ITPRID1: variants seen among roughly 807,000 people sequenced by gnomAD.
ITPRID1 encodes ITPR interacting domain containing 1.
A neutral mutation model predicts 95.4 loss-of-function variants in ITPRID1; 96 were observed. The observed-to-expected ratio is 1.01, with a 90% confidence interval of 0.85 to 1.19. ITPRID1 has a LOEUF of 1.19. Ranked by LOEUF, ITPRID1 falls within the 50% of genes most tolerant of loss-of-function variation. The pLI, the probability that ITPRID1 is intolerant of heterozygous loss-of-function variation, is 0.00. For missense variants in ITPRID1, 1,339 were observed against 1,252.9 expected (o/e 1.07, Z -1.04); for synonymous variants, 510 against 453.6 (o/e 1.12, Z -1.58).
At chr7:31,553,934 G>C (rs1023271611) in intron 3 of ITPRID1, among the ~76,000 whole-genome samples, 87 of 152,296 alleles carry the variant, frequency 5.7e-4, no homozygotes, top group African/African-American at 2.0e-3. Context: ...CACCTTAAAA[G>C]ACTGGTGCCT....
intron 1 of ITPRID1, among the ~76,000 whole-genome samples, chr7:31,524,862 A>G (rs549801306): frequency 6.6e-6 from 1 of 152,184 alleles, no homozygotes; most frequent in Non-Finnish European, 1.5e-5. Context: ...TCTTATTTTT[A>G]TATCAATGGT....
intron 1 of ITPRID1, among the ~76,000 whole-genome samples, chr7:31,538,080 C>T (rs951851283): frequency 6.6e-6 from 1 of 152,198 alleles, no homozygotes; most frequent in Non-Finnish European, 1.5e-5. Flanking sequence ...ACAGCGAAGA[C>T]TGGACTGATC....
intron 10 of ITPRID1, among the ~76,000 whole-genome samples, chr7:31,637,660 C>T (rs768092197): frequency 1.1e-4 from 17 of 152,192 alleles, no homozygotes; most frequent in South Asian, 8.3e-4. Flanking sequence ...GAGTAGATTG[C>T]GAAAATTTTC....
At chr7:31,657,867 A>G (rs531228993), downstream of ITPRID1, among the ~76,000 whole-genome samples, 4 of 152,338 alleles carry the variant, frequency 2.6e-5, no homozygotes, top group Middle Eastern at 3.4e-3. Context: ...GAAAAAAAAG[A>G]AAAAGTAAAA....
chr7:31,529,767 T>C (rs1222937245), intron 1 of ITPRID1: 1 of 1,535,268 alleles, frequency 6.5e-7, no homozygotes, highest in Non-Finnish European at 8.7e-7. Flanking sequence ...ACACATACTT[T>C]GATGCCAACT....
At chr7:31,565,213 C>T (rs534041843) in intron 5 of ITPRID1, among the ~76,000 whole-genome samples, 75 of 152,198 alleles carry the variant, frequency 4.9e-4, no homozygotes, top group African/African-American at 1.6e-3. Flanking sequence ...CTTGGTCTCC[C>T]GGGACCCTGG....
At chr7:31,520,785 T>C (rs1436149196) in intron 1 of ITPRID1, among the ~76,000 whole-genome samples, 1 of 152,090 alleles carries the variant, frequency 6.6e-6, no homozygotes, top group African/African-American at 2.4e-5. Flanking sequence ...TCCATGTATA[T>C]ACATATACCC....
At chr7:31,584,892 C>T (rs1340290501) in intron 10 of ITPRID1, among the ~76,000 whole-genome samples, 1 of 152,180 alleles carries the variant, frequency 6.6e-6, no homozygotes, top group Non-Finnish European at 1.5e-5. Flanking sequence ...AATATTATAG[C>T]AGCAGTGATG....
Position 31,558,567 on chromosome 7 carries a change from T to G in ITPRID1, c.256+3666T>G, listed in dbSNP as rs149199148. On this transcript the variant is annotated intron_variant, in intron 5 of 14. Coordinates refer to ENST00000615280, the MANE Select transcript of ITPRID1 (RefSeq NM_001257967.3). ...AGGGTATAAACTTGCAGTTATAAGA[T>G]GACTAGGTTCTAGAGACCTTAAGTA... 4.2e-3 allele frequency among the ~76,000 whole-genome samples: 637 copies of G among 152,324 alleles called. 3 individuals carry two copies. Among genetic ancestry groups the G allele is most frequent in the Non-Finnish European group, 6.4e-3 (438 of 68,016 alleles).
At chr7:31,634,917 G>A (rs1431409726) in intron 10 of ITPRID1, among the ~76,000 whole-genome samples, 6 of 152,158 alleles carry the variant, frequency 3.9e-5, no homozygotes, top group Non-Finnish European at 8.8e-5. Context: ...TGAGGGCAAT[G>A]AGACGTCTCA....
rs1351044344 is a variant in ITPRID1 at position 31,594,256 on chromosome 7, A to C, written c.1228+11065A>C. Among the ~76,000 whole-genome samples, 6 of 152,106 alleles carry C rather than the reference A, an allele frequency of 3.9e-5. No individual in the cohort carries two copies. The East Asian group carries it at 9.7e-4, about 24-fold the overall frequency. ...ATACTTTCTGAGTTTGTGTAAGTCC[A>C]CTCTATGATATTCAAACAATGAGAA... On this transcript the variant is annotated intron_variant, in intron 10 of 14. Transcript: ENST00000615280.
At chr7:31,522,499 T>A (rs1304297829) in intron 1 of ITPRID1, among the ~76,000 whole-genome samples, 1 of 152,236 alleles carries the variant, frequency 6.6e-6, no homozygotes, top group Admixed American at 6.5e-5. Context: ...TAAGCCACAC[T>A]TTTGTTTCAA....
chr7:31,629,490 G>A (rs1788802025), intron 10 of ITPRID1, among the ~76,000 whole-genome samples: 1 of 152,166 alleles, frequency 6.6e-6, no homozygotes, highest in Non-Finnish European at 1.5e-5. Flanking sequence ...TCATTAGGTT[G>A]TGCCCTCTGA....
intron 1 of ITPRID1, among the ~76,000 whole-genome samples, chr7:31,541,377 A>G (rs1249122574): frequency 1.3e-5 from 2 of 152,210 alleles, no homozygotes; most frequent in African/African-American, 2.4e-5. Flanking sequence ...CCTGCATTCA[A>G]GAGCACCTAT....
rs1583761938 is a variant in ITPRID1 at position 31,652,673 on chromosome 7, T to A, written c.2979T>A (p.Ala993=). ...TVFPPDDGQE[A]PCSGGTQLAA... is the part of the protein sequence containing the mutation. ...TTCCTCCCGATGATGGCCAGGAGGCTCCCTGTTCAGGTGGGACCCAGTTGG... is the reference window on the plus strand; with the variant it reads ...TTCCTCCCGATGATGGCCAGGAGGCACCCTGTTCAGGTGGGACCCAGTTGG... Residue 993 remains alanine (A), a synonymous_variant, in exon 15 of 15, where the codon GCT becomes GCA. Coordinates refer to ENST00000615280, the MANE Select transcript of ITPRID1 (RefSeq NM_001257967.3). The A allele has an allele frequency of 1.2e-6, 2 of 1,613,910 alleles. No homozygotes were observed. Among genetic ancestry groups the A allele is most frequent in the Non-Finnish European group, 1.7e-6 (2 of 1,179,864 alleles).
intron 1 of ITPRID1, among the ~76,000 whole-genome samples, chr7:31,525,304 G>A (rs541990079): frequency 2.6e-5 from 4 of 152,266 alleles, no homozygotes; most frequent in Non-Finnish European, 2.9e-5. Context: ...CAAATACAGG[G>A]TGTCTCAATG....
chr7:31,551,519 TTAATTTTTAAC>T (rs1483997072), intron 2 of ITPRID1, among the ~76,000 whole-genome samples: 1 of 143,732 alleles, frequency 7.0e-6, no homozygotes, highest in Non-Finnish European at 1.6e-5. Context: ...ATTTTTTCCC[TTAATTTTTAAC>T]TAATTGAAAT....
Position 31,643,557 on chromosome 7 carries a change from T to C in ITPRID1, c.2187T>C (p.Gly729=). ...AAQRAVALGT[G]PRGTSLECTV... ...AGAGGGCTGTGGCCTTGGGGACTGG[T>C]CCCAGAGGAACATCTTTAGAATGCA... is the stretch of plus-strand genomic sequence containing the variant. Residue 729 remains glycine (G), a synonymous_variant, in exon 12 of 15, where the codon GGT becomes GGC. Coordinates refer to ENST00000615280, the MANE Select transcript of ITPRID1 (RefSeq NM_001257967.3). 1 of 1,613,996 alleles carries C rather than the reference T, an allele frequency of 6.2e-7. No homozygotes were observed. The highest frequency in any genetic ancestry group is 1.1e-5 in the South Asian group (1 of 91,086).
intron 10 of ITPRID1, among the ~76,000 whole-genome samples, chr7:31,593,047 G>A (rs1785934510): frequency 6.6e-6 from 1 of 152,168 alleles, no homozygotes; most frequent in Non-Finnish European, 1.5e-5. Flanking sequence ...TCTCATGCCT[G>A]TAATCCTGAC....
Sources: allele counts gnomAD v4.1 joint callset (sites outside exome capture counted in the v4.1 genomes callset), GRCh38; gene constraint gnomAD v4.1.1; transcripts MANE v1.5; gene names NCBI Gene and HGNC (gene_info 2026-07-23, HGNC 2026-07-21).